ALDH1A3: variants seen among roughly 807,000 people sequenced by gnomAD.
The protein encoded by ALDH1A3 is retinaldehyde dehydrogenase 3.
ALDH1A3 carries 28 observed loss-of-function variants against 57.5 expected under a neutral mutation model. The ratio of observed to expected loss-of-function variants is 0.49; its 90% CI spans 0.36 to 0.67. The LOEUF is 0.67. Among genes scored for constraint, ALDH1A3 ranks in the 30% least tolerant of loss-of-function variants. The pLI, the probability that ALDH1A3 is intolerant of heterozygous loss-of-function variation, is 0.00. For missense variants in ALDH1A3, 507 were observed against 669.4 expected, an observed-to-expected ratio of 0.76 and a Z score of 2.68; for synonymous variants, 281 against 264.8, an observed-to-expected ratio of 1.06 and a Z score of -0.59.
chr15:100,889,254 T>C lies in ALDH1A3; in HGVS notation c.345+1542T>C, dbSNP rs1178983032. 1 of 152,170 alleles carries C rather than the reference T, an allele frequency of 6.6e-6. No individual in the cohort carries two copies. Among genetic ancestry groups the C allele is most frequent in the Non-Finnish European group, 1.5e-5 (1 of 68,040 alleles). The allele number at this position is 152,170 out of a possible 1,614,324, so 9.4% of individuals were successfully genotyped here. On this transcript the variant is annotated intron_variant, in intron 3 of 12. Coordinates refer to ENST00000329841, the MANE Select transcript of ALDH1A3 (RefSeq NM_000693.4). The surrounding 1 kb of genome is among the most constrained non-coding windows in gnomAD (Gnocchi z 5.1). ...AACAAGCAGTAGGGTAGCCACTGTT[T>C]AAAGGAGGGTGTCAGCCAGGACACG...
chr15:100,895,642 G>A (rs1364263336), intron 6 of ALDH1A3: 4 of 437,236 alleles, frequency 9.1e-6, no homozygotes, highest in East Asian at 3.9e-5. Flanking sequence ...CCACCTTGAA[G>A]CATAACCACA....
intron 3 of ALDH1A3, chr15:100,888,891 C>A (rs951291512): frequency 2.1e-4 from 32 of 152,130 alleles, no homozygotes; most frequent in Admixed American, 1.9e-3. Context: ...ATGTGAAGAC[C>A]CATTTTCTAA....
At chr15:100,913,463 A>G (rs1478821361) in intron 12 of ALDH1A3, 1 of 152,216 alleles carries the variant, frequency 6.6e-6, no homozygotes, top group African/African-American at 2.4e-5. Context: ...CAAAGCCAGC[A>G]CTGCTGCTCT....
intron 12 of ALDH1A3, chr15:100,914,202 G>C (rs1380600344): frequency 6.5e-6 from 1 of 154,078 alleles, no homozygotes; most frequent in Admixed American, 6.4e-5. Context: ...TCAGGCCCTT[G>C]GTGTTCTTCC....
chr15:100,909,779 C>A (rs1026670937), intron 12 of ALDH1A3, among the ~76,000 whole-genome samples: 1 of 152,236 alleles, frequency 6.6e-6, no homozygotes, highest in Non-Finnish European at 1.5e-5. Context: ...ACACTGTCTT[C>A]TCTCCCCAGC....
chr15:100,913,803 A>G (rs1426636278), intron 12 of ALDH1A3: 2 of 152,268 alleles, frequency 1.3e-5, no homozygotes, highest in African/African-American at 2.4e-5. Flanking sequence ...ACACTTTGAG[A>G]ACCATTGATC....
chr15:100,900,748 C>T lies in ALDH1A3; in HGVS notation c.1057C>T (p.Gln353Ter). The part of the protein sequence containing the change: ...VGDPFDVKTE[Q>*]GPQIDQKQFD... ...AGACCCCTTCGATGTCAAAACAGAA[C>T]AGGGGCCTCAGGTAATCCCCCTGGT... The change falls in exon 9 of 13, where the codon CAG (glutamine) becomes TAG (stop). Residue 353 changes from glutamine to a stop codon, truncating the protein, a stop_gained. Coordinates refer to ENST00000329841, the MANE Select transcript of ALDH1A3 (RefSeq NM_000693.4). LOFTEE classifies it high-confidence loss of function. The T allele has an allele frequency of 6.2e-7, 1 of 1,613,898 alleles. No individual in the cohort carries two copies. The highest frequency in any genetic ancestry group is 8.5e-7 in the Non-Finnish European group (1 of 1,179,938).
chr15:100,885,221 T>C, intron 1 of ALDH1A3, 46 bp from the exon 2 acceptor site: 1 of 1,369,704 alleles, frequency 7.3e-7, no homozygotes, highest in Non-Finnish European at 1.0e-6. Flanking sequence ...TGAAATTATA[T>C]GATTTTGATC....
chr15:100,886,216 C>G (rs758422047), intron 2 of ALDH1A3, among the ~76,000 whole-genome samples: 4 of 152,358 alleles, frequency 2.6e-5, no homozygotes, highest in Non-Finnish European at 4.4e-5. Flanking sequence ...TATACAGACC[C>G]CCCTCTGTGT....
chr15:100,883,291 G>A (rs1012767530), intron 1 of ALDH1A3, among the ~76,000 whole-genome samples: 6 of 152,248 alleles, frequency 3.9e-5, no homozygotes, highest in South Asian at 2.1e-4. Context: ...TTTCCTCCCC[G>A]CACTAACTTA....
At chr15:100,905,731 A>C (rs2041815912) in intron 10 of ALDH1A3, 44 bp downstream of exon 10, 2 of 1,491,890 alleles carry the variant, frequency 1.3e-6, no homozygotes. Flanking sequence ...GGGGCCTTTC[A>C]AACACGAGTC....
Position 100,892,541 on chromosome 15 carries a change from T to G in ALDH1A3, c.377T>G (p.Phe126Cys). Residue 126 changes from phenylalanine (F) to cysteine (C), a missense_variant, in exon 4 of 13, where the codon TTT (phenylalanine) becomes TGT (cysteine). Around this residue, in one of 2 missense-constraint regions of ALDH1A3, gnomAD observed 432 missense variants for 608.4 expected, o/e 0.71. Transcript: ENST00000329841. ...ALETMDTGKP[F>C]LHAFFIDLEG... ...GAGACGATGGATACAGGGAAGCCATTTCTTCATGCTTTTTTCATCGACCTG... is the reference window on the plus strand; with the variant it reads ...GAGACGATGGATACAGGGAAGCCATGTCTTCATGCTTTTTTCATCGACCTG... 1 of 1,612,852 alleles carries G rather than the reference T, an allele frequency of 6.2e-7. No individual in the cohort carries two copies. Among genetic ancestry groups the G allele is most frequent in the Non-Finnish European group, 8.5e-7 (1 of 1,179,706 alleles).
At chr15:100,905,422 A>G in intron 9 of ALDH1A3, 101 bp from the exon 10 acceptor site, 1 of 1,408,382 alleles carries the variant, frequency 7.1e-7, no homozygotes, top group Non-Finnish European at 9.9e-7. Flanking sequence ...AAGAACATGC[A>G]GAGGGAGGAT....
intron 12 of ALDH1A3, chr15:100,914,211 C>T: frequency 6.5e-6 from 1 of 154,176 alleles, no homozygotes; most frequent in Non-Finnish European, 1.4e-5. Flanking sequence ...TGGTGTTCTT[C>T]CCACTGGTCC....
At position 100,895,424 on chromosome 15, in the gene ALDH1A3, A is replaced by G. The variant is rs139902413; in HGVS notation, c.667-509A>G. ...AAGATCGCGCCACTACACTCTAGCC[A>G]GGGCGACAGAGCAAGACTCCATCTC... On this transcript the variant is annotated intron_variant, in intron 6 of 12. Coordinates refer to ENST00000329841, the MANE Select transcript of ALDH1A3 (RefSeq NM_000693.4). 3.7e-3 allele frequency: 568 copies of G among 153,998 alleles called. 11 individuals carry two copies. Among genetic ancestry groups the G allele is most frequent in the East Asian group, 0.023 (119 of 5,276 alleles). The allele number at this position is 153,998 out of a possible 1,614,324, so 9.5% of individuals were successfully genotyped here.
intron 2 of ALDH1A3, 101 bp downstream of exon 2, chr15:100,885,472 T>TG: frequency 2.4e-6 from 2 of 848,766 alleles, no homozygotes; most frequent in Non-Finnish European, 3.8e-6. Flanking sequence ...TGGCCTATCC[T>TG]GGGGGCAGGG....
intron 9 of ALDH1A3, among the ~76,000 whole-genome samples, chr15:100,904,838 A>C (rs2141567883): frequency 6.6e-6 from 1 of 152,284 alleles, no homozygotes; most frequent in African/African-American, 2.4e-5. Flanking sequence ...CCACCAACCA[A>C]GGAGCAGCCC....
At position 100,887,747 on chromosome 15, in the gene ALDH1A3, A is replaced by G; in HGVS notation, c.345+35A>G. The G allele has an allele frequency of 6.5e-7, 1 of 1,548,786 alleles. No homozygotes were observed. The highest frequency in any genetic ancestry group is 8.7e-7 in the Non-Finnish European group (1 of 1,143,488). The stretch of plus-strand genomic sequence containing the variant: ...TGCACTTGGGGGCCGGTGGGGGATG[A>G]GCCAGCCTCACTGAGGGTCCTGTCC... On this transcript the variant is annotated intron_variant, in intron 3 of 12. Transcript: ENST00000329841. This position sits in a 1 kb window ranked among gnomAD's most constrained non-coding sequence, Gnocchi z 4.6.
At chr15:100,908,652 C>T (rs573198110) in intron 12 of ALDH1A3, among the ~76,000 whole-genome samples, 170 bp downstream of exon 12, 1 of 152,316 alleles carries the variant, frequency 6.6e-6, no homozygotes, top group South Asian at 2.1e-4. Flanking sequence ...CCCTTCCTCT[C>T]TCCAGCCCAC....
Sources: allele counts gnomAD v4.1 joint callset (sites outside exome capture counted in the v4.1 genomes callset), GRCh38; gene constraint gnomAD v4.1.1; regional missense constraint gnomAD v4.1.1; non-coding constraint Gnocchi (gnomAD v3.1); transcripts MANE v1.5; gene names NCBI Gene and HGNC (gene_info 2026-07-23, HGNC 2026-07-21).